Variants in HUWE1 observed in about 807,000 individuals in gnomAD.
HUWE1 encodes HECT, UBA and WWE domain containing E3 ubiquitin protein ligase 1.
HUWE1 carries 18 observed loss-of-function variants against 299.4 expected under a neutral mutation model. The ratio of observed to expected loss-of-function variants is 0.06; its 90% CI spans 0.04 to 0.09. The LOEUF is 0.09. Among genes scored for constraint, HUWE1 ranks in the 10% least tolerant of loss-of-function variants. HUWE1 has a pLI of 1.00. For synonymous variants in HUWE1, 1,317 were observed against 1,286.1 expected (o/e 1.02, Z -0.51); for missense variants, 1,832 against 3,462.3 (o/e 0.53, Z 11.82).
At chrX:53,618,662 T>C (rs1477792607) in intron 19 of HUWE1, among the ~76,000 whole-genome samples, 4 of 107,986 alleles carry the variant, frequency 3.7e-5, no homozygotes. Context: ...CCTCCTGGGT[T>C]CAAGCAATTC....
rs2070439131 is a variant in HUWE1 at position 53,686,701 on chromosome X, CCCTCGCT to C, written c.-382_-376del. 2 of 119,535 alleles carry C rather than the reference CCCTCGCT, an allele frequency of 1.7e-5. No individual in the cohort carries two copies. The highest frequency in any genetic ancestry group is 1.7e-5 in the Non-Finnish European group (1 of 57,999). 9.9% of individuals were successfully genotyped at this position (119,535 alleles called of 1,213,427 possible). ...CTCCAGCCCTGCTCCAGCCCTGCTC[CCCTCGCT>C]AGCCCTCAGTCGAAAGCCTCCTCGC... On this transcript the variant is annotated 5_prime_UTR_variant, in exon 1 of 84. Coordinates refer to ENST00000262854, the MANE Select transcript of HUWE1 (RefSeq NM_031407.7).
chrX:53,561,262 G>C (rs1445666696), intron 55 of HUWE1, among the ~76,000 whole-genome samples: 2 of 112,036 alleles, frequency 1.8e-5, no homozygotes, highest in African/African-American at 6.5e-5. Flanking sequence ...CGCTAAAAGG[G>C]AAGTTTCACG....
intron 2 of HUWE1, among the ~76,000 whole-genome samples, chrX:53,681,847 T>C (rs1284750577): frequency 1.8e-5 from 2 of 112,241 alleles, no homozygotes; most frequent in African/African-American, 6.5e-5. Context: ...AGGCACCCCT[T>C]CCAAAAGGTA....
chrX:53,535,442 C>G lies in HUWE1; in HGVS notation c.12591G>C (p.Leu4197Phe), dbSNP rs1353973886. The part of the protein sequence containing the change: ...RDLKPNGANI[L>F]VTEENKKEYV... ...ACTCCTTCTTATTCTCCTCTGTTAC[C>G]AAGATGTTGGCCCCATTGGGTTTGA... Residue 4197 changes from leucine (L) to phenylalanine (F), a missense_variant, in exon 81 of 84, where the codon TTG becomes TTC. Transcript: ENST00000262854. 1 of 1,208,035 alleles carries G rather than the reference C, an allele frequency of 8.3e-7. No individual in the cohort carries two copies. The highest frequency in any genetic ancestry group is 1.1e-6 in the Non-Finnish European group (1 of 893,685).
At chrX:53,551,515 C>T in intron 63 of HUWE1, 35 bp from the exon 64 acceptor site, 1 of 1,118,270 alleles carries the variant, frequency 8.9e-7, no homozygotes, top group South Asian at 1.9e-5. Context: ...GGGATTCACG[C>T]CTTATTAATT....
intron 3 of HUWE1, among the ~76,000 whole-genome samples, chrX:53,667,662 C>T (rs1453195375): frequency 9.0e-6 from 1 of 111,720 alleles, no homozygotes; most frequent in Non-Finnish European, 1.9e-5. Flanking sequence ...AAGTCGGGGA[C>T]GCCTGTACTA....
At chrX:53,533,650 C>T (rs782804346) in intron 83 of HUWE1, 14 of 440,817 alleles carry the variant, frequency 3.2e-5, no homozygotes, top group East Asian at 1.9e-4. Context: ...TGGCCTCACT[C>T]GCCCATAGGC....
intron 3 of HUWE1, among the ~76,000 whole-genome samples, chrX:53,658,743 T>C (rs1304439429): frequency 8.9e-6 from 1 of 112,293 alleles, no homozygotes; most frequent in African/African-American, 3.2e-5. Flanking sequence ...TGTAAAATAT[T>C]CTGCTCTGTA....
chrX:53,556,040 G>C (rs2062001115), intron 60 of HUWE1, among the ~76,000 whole-genome samples: 1 of 112,049 alleles, frequency 8.9e-6, no homozygotes, highest in Non-Finnish European at 1.9e-5. Flanking sequence ...AGCAAAATGA[G>C]TTCATGCCCA....
At chrX:53,571,556 T>G (rs1167048426) in intron 47 of HUWE1, among the ~76,000 whole-genome samples, 3 of 111,714 alleles carry the variant, frequency 2.7e-5, no homozygotes, top group Non-Finnish European at 5.6e-5. Flanking sequence ...GAGCTATGAT[T>G]GTACCACTGC....
intron 78 of HUWE1, chrX:53,537,296 G>A: frequency 5.1e-6 from 2 of 394,103 alleles, no homozygotes; most frequent in East Asian, 8.9e-5. Context: ...TGCAAAGCCA[G>A]CAGGTATATC....
chrX:53,549,863 G>A (rs782755590), intron 66 of HUWE1, among the ~76,000 whole-genome samples: 23 of 108,302 alleles, frequency 2.1e-4, no homozygotes, highest in Non-Finnish European at 3.6e-4. Context: ...AGTGATTCTC[G>A]TGCCTCAGCC....
chrX:53,588,183 T>TA (rs2063958121), intron 37 of HUWE1, among the ~76,000 whole-genome samples, 199 bp downstream of exon 37: 1 of 111,924 alleles, frequency 8.9e-6, no homozygotes, highest in Non-Finnish European at 1.9e-5. Context: ...TAAACCCAGA[T>TA]AAAACTGTTA....
intron 23 of HUWE1, among the ~76,000 whole-genome samples, chrX:53,612,671 T>C (rs1056524686): frequency 1.8e-5 from 2 of 111,792 alleles, no homozygotes; most frequent in Non-Finnish European, 3.8e-5. Flanking sequence ...GAACACAAGA[T>C]TGAGTTCTCA....
At chrX:53,634,641 C>A (rs782150153) in intron 7 of HUWE1, among the ~76,000 whole-genome samples, 1 of 112,714 alleles carries the variant, frequency 8.9e-6, no homozygotes, top group Non-Finnish European at 1.9e-5. Flanking sequence ...ATATTCCATA[C>A]CCCTGTAGTC....
chrX:53,570,920 TCAAAA>T (rs781960918), intron 47 of HUWE1, among the ~76,000 whole-genome samples: 6 of 112,881 alleles, frequency 5.3e-5, no homozygotes, highest in African/African-American at 6.4e-5. Flanking sequence ...AGTGACCTTG[TCAAAA>T]CAAAACAATT....
At chrX:53,619,834 CAGA>C (rs1557010815) in intron 19 of HUWE1, among the ~76,000 whole-genome samples, 1 of 111,662 alleles carries the variant, frequency 9.0e-6, no homozygotes, top group African/African-American at 3.3e-5. Flanking sequence ...TAAAGGAAGG[CAGA>C]AGGTCATCAC....
chrX:53,684,189 C>T lies in HUWE1; in HGVS notation c.-163+2081G>A. On this transcript the variant is annotated intron_variant, in intron 2 of 83. Transcript: ENST00000262854. Reference sequence around the variant, plus strand: ...GGCGGAGCCAACCTACCACGGCCGGCTCCCGCATGCGTTGAGAACTATCGC... The same window carrying T: ...GGCGGAGCCAACCTACCACGGCCGGTTCCCGCATGCGTTGAGAACTATCGC... 3.3e-5 allele frequency: 8 copies of T among 240,137 alleles called. No homozygotes were observed. The East Asian group carries it at 5.0e-4, about 15-fold the overall frequency. The allele number at this position is 240,137 out of a possible 1,213,427, so 19.8% of individuals were successfully genotyped here. A position where few individuals can be genotyped will look rare whatever the true frequency, so the allele number is the denominator to read the frequency against.
chrX:53,590,436 T>C lies in HUWE1; in HGVS notation c.4159A>G (p.Ile1387Val), dbSNP rs2148424601. Residue 1387 changes from isoleucine (I) to valine (V), a missense_variant, in exon 35 of 84, where the codon ATT (isoleucine) becomes GTT (valine). Coordinates refer to ENST00000262854, the MANE Select transcript of HUWE1 (RefSeq NM_031407.7). Reference sequence around the variant, plus strand: ...GACTCTGCCCTTTGATCCATTGGAATATCCTGTCCCAGAGACATAGCAATT... The same window carrying C: ...GACTCTGCCCTTTGATCCATTGGAACATCCTGTCCCAGAGACATAGCAATT... ...RAIAMSLGQD[I>V]PMDQRAESPE... 5 of 1,207,313 alleles carry C rather than the reference T, an allele frequency of 4.1e-6. No individual in the cohort carries two copies. Among genetic ancestry groups the C allele is most frequent in the Non-Finnish European group, 5.6e-6 (5 of 891,218 alleles).
Sources: gnomAD v4.1 joint callset for allele counts (sites outside exome capture counted in the v4.1 genomes callset) on GRCh38, gnomAD v4.1.1 for gene constraint, MANE v1.5 for transcripts, NCBI Gene and HGNC (gene_info 2026-07-23, HGNC 2026-07-21) for gene names.